CNGA3: variants seen among roughly 807,000 people sequenced by gnomAD.
CNGA3 encodes the protein cyclic nucleotide-gated channel alpha-3.
A neutral mutation model predicts 46.6 loss-of-function variants in CNGA3; 42 were observed. The observed-to-expected ratio is 0.90, with a 90% CI of 0.70 to 1.17. The LOEUF is 1.17. Ranked by LOEUF, CNGA3 falls within the 50% of genes most tolerant of loss-of-function variation. The pLI, the probability that CNGA3 is intolerant of heterozygous loss-of-function variation, is 0.00. For missense variants in CNGA3, 893 were observed against 890.7 expected (o/e 1.00, Z -0.03); for synonymous variants, 394 against 369.4 (o/e 1.07, Z -0.76).
At chr2:98,393,691 C>A (rs1380648745) in intron 7 of CNGA3, among the ~76,000 whole-genome samples, 1 of 152,100 alleles carries the variant, frequency 6.6e-6, no homozygotes, top group Non-Finnish European at 1.5e-5. Flanking sequence ...GGATGAGACA[C>A]CCCGACTCAG....
intron 2 of CNGA3, among the ~76,000 whole-genome samples, chr2:98,374,339 A>C (rs1296075909): frequency 1.3e-5 from 2 of 152,218 alleles, no homozygotes; most frequent in East Asian, 3.8e-4. Context: ...GTTCTTGCCA[A>C]CTACCAACAT....
Position 98,397,670 on chromosome 2 carries a change from G to T in CNGA3, c.*415G>T. ...TCCAACTTCACCACCACCTGATAAT[G>T]GGTATATAACAGGAAGCTGAAGGTA... On this transcript the variant is annotated 3_prime_UTR_variant, in exon 8 of 8. Coordinates refer to ENST00000272602, the MANE Select transcript of CNGA3 (RefSeq NM_001298.3). 3 of 297,378 alleles carry T rather than the reference G, an allele frequency of 1.0e-5. No homozygotes were observed. The highest frequency in any genetic ancestry group is 1.9e-5 in the Non-Finnish European group (3 of 155,076). 18.4% of individuals were successfully genotyped at this position (297,378 alleles called of 1,614,324 possible). A position where few individuals can be genotyped will look rare whatever the true frequency, so the allele number is the denominator to read the frequency against.
rs761220533 is a variant in CNGA3, at chr2:98,370,073, G to A, written c.98G>A (p.Ser33Asn). Residue 33 changes from serine to asparagine, a missense_variant, in exon 2 of 8, where the codon AGC (serine) becomes AAC (asparagine). Transcript: ENST00000272602. ...RDLNRAENGLSRAHSSSEETS... is the reference protein window; with the variant it reads ...RDLNRAENGLNRAHSSSEETS... ...CTCAATCGCGCTGAAAATGGCCTCA[G>A]CAGGTAAGATGGGCTAAGATGGGCT... is the stretch of plus-strand genomic sequence containing the variant. 6.2e-7 allele frequency: 1 copy of A among 1,611,612 alleles called. No individual in the cohort carries two copies. The highest frequency in any genetic ancestry group is 1.3e-5 in the African/African-American group (1 of 74,974).
intron 1 of CNGA3, among the ~76,000 whole-genome samples, chr2:98,361,110 GC>G (rs1455358952): frequency 1.3e-5 from 2 of 151,956 alleles, no homozygotes; most frequent in Non-Finnish European, 2.9e-5. Context: ...GTGGTTTGCT[GC>G]ATCTATCAAC....
rs771348811 is a variant in CNGA3 at position 98,396,922 on chromosome 2, C to T, written c.1752C>T (p.Leu584=). The T allele has an allele frequency of 1.2e-6, 2 of 1,614,128 alleles. No homozygotes were observed. Among genetic ancestry groups the T allele is most frequent in the Admixed American group, 1.7e-5 (1 of 60,028 alleles). The part of the protein sequence containing the change: ...SDLFCLSKDD[L]MEALTEYPEA... ...TGTTCTGCCTCTCAAAGGACGATCT[C>T]ATGGAGGCCCTCACCGAGTACCCCG... Residue 584 remains leucine (L), a synonymous_variant, in exon 8 of 8, where the codon CTC becomes CTT. Coordinates refer to ENST00000272602, the MANE Select transcript of CNGA3 (RefSeq NM_001298.3).
chr2:98,397,117 T>C lies in CNGA3; in HGVS notation c.1947T>C (p.Ala649=), dbSNP rs1692940070. 6.0e-5 allele frequency: 97 copies of C among 1,614,020 alleles called. No homozygotes were observed. Among genetic ancestry groups the C allele is most frequent in the Non-Finnish European group, 8.1e-5 (95 of 1,180,032 alleles). Residue 649 remains alanine (A), a synonymous_variant, in exon 8 of 8, where the codon GCT becomes GCC. Transcript: ENST00000272602. ...TLQTRFARLL[A]EYNATQMKMK... is the part of the protein sequence containing the mutation. ...AGACCAGGTTTGCACGCCTCCTGGC[T>C]GAGTACAACGCCACCCAGATGAAGA...
chr2:98,364,836 T>C (rs922045695), intron 1 of CNGA3, among the ~76,000 whole-genome samples: 1 of 152,206 alleles, frequency 6.6e-6, no homozygotes, highest in Non-Finnish European at 1.5e-5. Context: ...CATTTACTTG[T>C]CTGAAAAGGA....
chr2:98,367,167 G>GTTTATTTTCCTTTTTTT (rs751611132), intron 1 of CNGA3, among the ~76,000 whole-genome samples: 1 of 101,584 alleles, frequency 9.8e-6, no homozygotes, highest in Non-Finnish European at 2.2e-5. Context: ...GACATCAGCT[G>GTTTATTTTCCTTTTTTT]TTTTTTTTCT....
intron 1 of CNGA3, among the ~76,000 whole-genome samples, chr2:98,357,397 C>T (rs1691907561): frequency 6.6e-6 from 1 of 152,190 alleles, no homozygotes; most frequent in Non-Finnish European, 1.5e-5. Context: ...AATGTGATGG[C>T]TTCTCACCTG....
At chr2:98,378,152 G>A (rs557243352) in intron 3 of CNGA3, 2 of 1,550,754 alleles carry the variant, frequency 1.3e-6, no homozygotes, top group East Asian at 2.4e-5. Flanking sequence ...GTGGTGTGCT[G>A]AGGATGGTGG....
intron 1 of CNGA3, among the ~76,000 whole-genome samples, chr2:98,352,584 C>T (rs1392312237): frequency 6.6e-6 from 1 of 152,108 alleles, no homozygotes; most frequent in African/African-American, 2.4e-5. Context: ...ATACAGGGTG[C>T]CCAGATAAAA....
intron 5 of CNGA3, among the ~76,000 whole-genome samples, chr2:98,386,394 G>T (rs376481748): frequency 6.6e-6 from 1 of 152,198 alleles, no homozygotes; most frequent in East Asian, 1.9e-4. Context: ...AATCATGGGG[G>T]TGGGTCTTTC....
intron 7 of CNGA3, among the ~76,000 whole-genome samples, chr2:98,394,294 TC>T (rs1245245434): frequency 1.3e-5 from 2 of 152,178 alleles, no homozygotes; most frequent in Non-Finnish European, 2.9e-5. Context: ...CCAGCCCATC[TC>T]CAGACCAGTC....
chr2:98,367,807 T>C (rs1163912956), intron 1 of CNGA3, among the ~76,000 whole-genome samples: 1 of 152,160 alleles, frequency 6.6e-6, no homozygotes, highest in Non-Finnish European at 1.5e-5. Context: ...CTCTCTCCCC[T>C]AAGAAACTGT....
intron 5 of CNGA3, among the ~76,000 whole-genome samples, chr2:98,383,806 AAAAGGCATTTTCTTATTCTACAACCTC>A (rs1288572746): frequency 6.6e-6 from 1 of 152,320 alleles, no homozygotes; most frequent in Non-Finnish European, 1.5e-5. Context: ...CTTAATGATG[AAAAGGCATTTTCTTATTCTACAACCTC>A]AGGCTCTTGA....
At position 98,391,924 on chromosome 2, in the gene CNGA3, G is replaced by A. The variant is rs780239212; in HGVS notation, c.627G>A (p.Ser209=). 1.5e-5 allele frequency: 25 copies of A among 1,614,032 alleles called. No homozygotes were observed. The highest frequency in any genetic ancestry group is 6.7e-5 in the African/African-American group (5 of 74,928). Residue 209 remains serine (S), a synonymous_variant, in exon 7 of 8, where the codon TCG becomes TCA. Transcript: ENST00000272602. ...YLMLWLVLDY[S]ADVLYVLDVL... ...TGCTGTGGCTGGTCCTGGACTACTCGGCAGATGTCCTGTATGTCTTGGATG... is the reference window on the plus strand; with the variant it reads ...TGCTGTGGCTGGTCCTGGACTACTCAGCAGATGTCCTGTATGTCTTGGATG...
At chr2:98,355,217 T>C (rs1324519462) in intron 1 of CNGA3, among the ~76,000 whole-genome samples, 1 of 152,226 alleles carries the variant, frequency 6.6e-6, no homozygotes, top group Non-Finnish European at 1.5e-5. Flanking sequence ...TAGTATTTTG[T>C]TGAGAACTTT....
chr2:98,347,460 G>T (rs909396106), intron 1 of CNGA3, among the ~76,000 whole-genome samples: 2 of 152,214 alleles, frequency 1.3e-5, no homozygotes, highest in African/African-American at 4.8e-5. Context: ...CCCGGGCCGG[G>T]TGATTCATTT....
chr2:98,375,453 G>A (rs889914537), intron 2 of CNGA3, among the ~76,000 whole-genome samples: 4 of 152,186 alleles, frequency 2.6e-5, no homozygotes, highest in Non-Finnish European at 5.9e-5. Flanking sequence ...TCGAATCCAA[G>A]GACCTCTGCC....
Sources: allele counts gnomAD v4.1 joint callset (sites outside exome capture counted in the v4.1 genomes callset), GRCh38; gene constraint gnomAD v4.1.1; transcripts MANE v1.5; gene names NCBI Gene and HGNC (gene_info 2026-07-23, HGNC 2026-07-21).